The following ZNF566 variants were observed in gnomAD, a reference collection of about 807,000 sequenced individuals.
The protein encoded by ZNF566 is zinc finger protein 566.
In ZNF566, 27 loss-of-function variants were observed where a neutral mutation model predicts 32.8. That is an observed-to-expected ratio of 0.82 (90% CI 0.61 to 1.14). ZNF566 has a LOEUF of 1.14. Ranked by LOEUF, ZNF566 falls within the 50% of genes most tolerant of loss-of-function variation. ZNF566 has a pLI of 0.00. For missense variants in ZNF566, 402 were observed against 490.4 expected, an observed-to-expected ratio of 0.82 and a Z score of 1.70; for synonymous variants, 154 against 159.5, an observed-to-expected ratio of 0.97 and a Z score of 0.26.
chr19:36,460,383 A>G (rs1285829860), intron 4 of ZNF566, among the ~76,000 whole-genome samples: 1 of 152,206 alleles, frequency 6.6e-6, no homozygotes, highest in Non-Finnish European at 1.5e-5. Flanking sequence ...TATATAAAGA[A>G]GAATAAACAA....
rs1440643178 is a variant in ZNF566 at position 36,449,016 on chromosome 19, A to G, written c.1218T>C (p.Tyr406=). Residue 406 remains tyrosine, a synonymous_variant, in exon 5 of 5, where the codon TAT becomes TAC. Coordinates refer to ENST00000452939, the MANE Select transcript of ZNF566 (RefSeq NM_001145344.1). ...EYRECGKNFN[Y]DPQLIQHQNL... ...TTTGATGCTGAATAAGTTGTGGGTC[A>G]TAATTAAAGTTCTTTCCACATTCCC... is the stretch of plus-strand genomic sequence containing the variant. 3.1e-6 allele frequency: 5 copies of G among 1,603,518 alleles called. No individual in the cohort carries two copies. The East Asian group carries it at 1.1e-4, about 36-fold the overall frequency.
At chr19:36,487,870 C>T (rs2034206878) in intron 1 of ZNF566, among the ~76,000 whole-genome samples, 1 of 135,162 alleles carries the variant, frequency 7.4e-6, no homozygotes, top group Non-Finnish European at 1.5e-5. Flanking sequence ...GCACTCCAGC[C>T]TGGGTGACAA....
chr19:36,446,331 TCAGG>T lies in ZNF566; in HGVS notation c.*2642_*2645del, dbSNP rs1291309420. 2 of 149,944 alleles carry T rather than the reference TCAGG, an allele frequency of 1.3e-5. No individual in the cohort carries two copies. The highest frequency in any genetic ancestry group is 3.0e-5 in the Non-Finnish European group (2 of 67,690). 9.3% of individuals were successfully genotyped at this position (149,944 alleles called of 1,614,324 possible). ...CTCTGTCATGCAGGCTGGAGTGCAG[TCAGG>T]ATCTCAGCTCACTGCAACCTCCGCC... On this transcript the variant is annotated 3_prime_UTR_variant, in exon 5 of 5. Transcript: ENST00000452939.
intron 1 of ZNF566, among the ~76,000 whole-genome samples, chr19:36,480,278 A>ATTTTTTT (rs972968387): frequency 7.3e-6 from 1 of 136,892 alleles, no homozygotes; most frequent in African/African-American, 2.7e-5. Flanking sequence ...ACTCCATGCA[A>ATTTTTTT]TTTTTTTTTC....
At chr19:36,469,382 A>C (rs887963636) in intron 4 of ZNF566, among the ~76,000 whole-genome samples, 2 of 152,034 alleles carry the variant, frequency 1.3e-5, no homozygotes, top group Non-Finnish European at 2.9e-5. Context: ...TATGAAAAAT[A>C]CAAAAAAATT....
rs767741591 is a variant in ZNF566, at chr19:36,477,526, G to GTTTTTTTTTTTTTTTTTTTTTTTTTT, written c.-59-911_-59-910insAAAAAAAAAAAAAAAAAAAAAAAAAA. 3.7e-5 allele frequency among the ~76,000 whole-genome samples: 4 copies of GTTTTTTTTTTTTTTTTTTTTTTTTTT among 107,002 alleles called. 1 individual carries two copies. Among genetic ancestry groups the GTTTTTTTTTTTTTTTTTTTTTTTTTT allele is most frequent in the Admixed American group, 8.9e-5 (1 of 11,282 alleles). The allele number at this position is 107,002 out of a possible 152,430, so 70.2% of individuals were successfully genotyped here. On this transcript the variant is annotated intron_variant, in intron 1 of 4. Transcript: ENST00000452939. ...TGGGTCAAACCAGTTTTCTGTTTCT[G>GTTTTTTTTTTTTTTTTTTTTTTTTTT]TTTTTTTTTTGTTTGTTTGTTTGTT... is the stretch of plus-strand genomic sequence containing the variant.
rs1476378750 is a variant in ZNF566 at position 36,481,845 on chromosome 19, T to C, written c.-59-5229A>G. On this transcript the variant is annotated intron_variant, in intron 1 of 4. Coordinates refer to ENST00000452939, the MANE Select transcript of ZNF566 (RefSeq NM_001145344.1). ...CGTAGGAAAGCGGTTCAATAAACTA[T>C]GATAAATCCACAGGCTGCAGTATTA... Among the ~76,000 whole-genome samples the C allele has an allele frequency of 2.6e-5, 4 of 152,202 alleles. 1 individual carries two copies. Among genetic ancestry groups the C allele is most frequent in the African/African-American group, 9.6e-5 (4 of 41,464 alleles).
rs371420812 is a variant in ZNF566 at position 36,449,419 on chromosome 19, C to G, written c.815G>C (p.Arg272Pro). Reference protein sequence around the residue: ...KAFSSGSNFTRHQRIHTGEKP... With the variant: ...KAFSSGSNFTPHQRIHTGEKP... Reference sequence around the variant, plus strand: ...CTCACCTGTGTGAATTCTCTGATGTCGAGTGAAGTTTGAACCACTACTAAA... The same window carrying G: ...CTCACCTGTGTGAATTCTCTGATGTGGAGTGAAGTTTGAACCACTACTAAA... Residue 272 changes from arginine (R) to proline (P), a missense_variant, in exon 5 of 5, where the codon CGA becomes CCA. Physicochemically the swap from Arg to Pro is moderately radical, Grantham distance 103. Around this residue, in one of 3 missense-constraint regions of ZNF566, gnomAD observed 135 missense variants for 210.0 expected, o/e 0.64. Transcript: ENST00000452939. 2.2e-5 allele frequency: 35 copies of G among 1,613,774 alleles called. No homozygotes were observed. The highest frequency in any genetic ancestry group is 3.0e-5 in the Non-Finnish European group (35 of 1,179,990).
chr19:36,453,488 TAAA>T lies in ZNF566; in HGVS notation c.233-3490_233-3488del, dbSNP rs1369362566. 6.4e-3 allele frequency among the ~76,000 whole-genome samples: 706 copies of T among 110,822 alleles called. 5 individuals carry two copies. The highest frequency in any genetic ancestry group is 0.023 in the African/African-American group (669 of 29,468). 72.7% of individuals were successfully genotyped at this position (110,822 alleles called of 152,430 possible). On this transcript the variant is annotated intron_variant, in intron 4 of 4. Coordinates refer to ENST00000452939, the MANE Select transcript of ZNF566 (RefSeq NM_001145344.1). The stretch of plus-strand genomic sequence containing the variant: ...ACTCTATCTCAAATAAATAAATAAA[TAAA>T]TAAATAAATAAATAAATTAATTAAT...
At chr19:36,483,978 T>C (rs903828506) in intron 1 of ZNF566, among the ~76,000 whole-genome samples, 2 of 152,112 alleles carry the variant, frequency 1.3e-5, no homozygotes, top group Non-Finnish European at 2.9e-5. Flanking sequence ...CTCACTGCAA[T>C]TCTCCTGTGT....
chr19:36,469,496 C>T (rs1229078218), intron 4 of ZNF566, among the ~76,000 whole-genome samples: 6 of 151,698 alleles, frequency 4.0e-5, no homozygotes, highest in Non-Finnish European at 7.4e-5. Context: ...GCCGAGATCA[C>T]GCCTTTACAC....
At chr19:36,468,698 A>G (rs994540681) in intron 4 of ZNF566, among the ~76,000 whole-genome samples, 1 of 151,724 alleles carries the variant, frequency 6.6e-6, no homozygotes, top group African/African-American at 2.4e-5. Flanking sequence ...GGATCACTTG[A>G]GCCCAGGAGT....
intron 4 of ZNF566, among the ~76,000 whole-genome samples, chr19:36,464,807 A>AGGAAGG (rs1217386402): frequency 5.3e-5 from 8 of 152,228 alleles, no homozygotes; most frequent in African/African-American, 1.9e-4. Context: ...AAATTGGGCT[A>AGGAAGG]GGAAGGGGTT....
At chr19:36,476,651 C>T in intron 1 of ZNF566, 35 bp from the exon 2 acceptor site, 1 of 1,551,524 alleles carries the variant, frequency 6.4e-7, no homozygotes, top group Non-Finnish European at 8.8e-7. Context: ...TAAGACCCCA[C>T]TTTCCTCACA....
At chr19:36,483,928 C>T (rs929918800) in intron 1 of ZNF566, among the ~76,000 whole-genome samples, 2 of 151,932 alleles carry the variant, frequency 1.3e-5, no homozygotes, top group Non-Finnish European at 2.9e-5. Flanking sequence ...CGGAGTTTTG[C>T]TCTTGTTGCC....
intron 1 of ZNF566, among the ~76,000 whole-genome samples, chr19:36,486,671 C>CAAAAAAAAAAAAAAAA (rs759281599): frequency 1.2e-5 from 1 of 80,940 alleles, no homozygotes; most frequent in African/African-American, 5.0e-5. Context: ...AACTCTGTCT[C>CAAAAAAAAAAAAAAAA]AAAAAAAAAA....
At chr19:36,457,965 C>A (rs1258041280) in intron 4 of ZNF566, among the ~76,000 whole-genome samples, 1 of 152,084 alleles carries the variant, frequency 6.6e-6, no homozygotes, top group Non-Finnish European at 1.5e-5. Flanking sequence ...CAAAAAATAA[C>A]AAGTGTTGGA....
intron 1 of ZNF566, among the ~76,000 whole-genome samples, chr19:36,485,851 C>T (rs1390953664): frequency 5.9e-5 from 9 of 151,752 alleles, no homozygotes; most frequent in South Asian, 2.1e-4. Context: ...GTCAGGATTT[C>T]GAGACCAGCC....
intron 4 of ZNF566, among the ~76,000 whole-genome samples, chr19:36,466,354 C>CCAA (rs59114296): frequency 0.55 from 83,014 of 151,644 alleles, 23,089 homozygotes; most frequent in African/African-American, 0.62. Flanking sequence ...ATGGCAGACA[C>CCAA]AATCTGCGGA....
Sources: gnomAD v4.1 joint callset for allele counts (sites outside exome capture counted in the v4.1 genomes callset) on GRCh38, gnomAD v4.1.1 for gene constraint, gnomAD v4.1.1 regional missense constraint, MANE v1.5 for transcripts, NCBI Gene and HGNC (gene_info 2026-07-23, HGNC 2026-07-21) for gene names.